Variants in GLIS1 observed in about 807,000 individuals in gnomAD.
The protein encoded by GLIS1 is GLIS family zinc finger 1, also known as zinc finger protein GLIS1.
A neutral mutation model predicts 63.8 loss-of-function variants in GLIS1; 24 were observed. The observed-to-expected ratio is 0.38, with a 90% CI of 0.27 to 0.53. The LOEUF is 0.53. GLIS1 is among the 20% of genes least tolerant of loss of function. The pLI is 0.85. For synonymous variants in GLIS1, 450 were observed against 482.5 expected, an observed-to-expected ratio of 0.93 and a Z score of 0.88; for missense variants, 1,036 against 1,074.1, an observed-to-expected ratio of 0.96 and a Z score of 0.50.
chr1:53,512,435 C>T (rs1393655002), intron 8 of GLIS1, among the ~76,000 whole-genome samples: 2 of 152,146 alleles, frequency 1.3e-5, no homozygotes, highest in Admixed American at 1.3e-4. Flanking sequence ...GAAGTCAGGC[C>T]CTCTTAGCAT....
chr1:53,581,858 C>T (rs1039689147), intron 4 of GLIS1, among the ~76,000 whole-genome samples: 5 of 152,058 alleles, frequency 3.3e-5, no homozygotes, highest in Admixed American at 6.5e-5. Context: ...TCCATGCCCT[C>T]CACCCCCTTC....
At chr1:53,679,813 T>G (rs1420646153) in intron 2 of GLIS1, among the ~76,000 whole-genome samples, 1 of 152,190 alleles carries the variant, frequency 6.6e-6, no homozygotes, top group Non-Finnish European at 1.5e-5. Context: ...CGGTGGACAA[T>G]GCTGGCCCAA....
chr1:53,649,641 T>C (rs1252287409), intron 2 of GLIS1, among the ~76,000 whole-genome samples: 1 of 152,188 alleles, frequency 6.6e-6, no homozygotes, highest in African/African-American at 2.4e-5. Context: ...ATATGTACCA[T>C]AGATTGAGGT....
Position 53,539,022 on chromosome 1 carries a change from G to C in GLIS1, c.1321-9070C>G, listed in dbSNP as rs892483529. On this transcript the variant is annotated intron_variant, in intron 4 of 10. Transcript: ENST00000628545. The surrounding 1 kb of genome is among the most constrained non-coding windows in gnomAD (Gnocchi z 5.0). ...GGGATCCAGGGGCTCTCCCAGTGCA[G>C]AGCTGTGGCTAGACATCGTCTGGAA... is the stretch of plus-strand genomic sequence containing the variant. Among the ~76,000 whole-genome samples, 4 of 152,062 alleles carry C rather than the reference G, an allele frequency of 2.6e-5. No individual in the cohort carries two copies. The highest frequency in any genetic ancestry group is 5.9e-5 in the Non-Finnish European group (4 of 68,002).
At chr1:53,705,193 A>G (rs1405997423) in intron 2 of GLIS1, among the ~76,000 whole-genome samples, 1 of 152,196 alleles carries the variant, frequency 6.6e-6, no homozygotes, top group African/African-American at 2.4e-5. Context: ...TGACTCCCAC[A>G]GCTACTATGT....
chr1:53,699,325 A>T (rs6658053), intron 2 of GLIS1, among the ~76,000 whole-genome samples: 37,823 of 151,986 alleles, frequency 0.25, 5,023 homozygotes, highest in African/African-American at 0.35. Context: ...CGGCCTCCCA[A>T]AGTGCTGAGA....
At chr1:53,538,959 G>A (rs1644610638) in intron 4 of GLIS1, among the ~76,000 whole-genome samples, 1 of 152,096 alleles carries the variant, frequency 6.6e-6, no homozygotes, top group Non-Finnish European at 1.5e-5. Flanking sequence ...GGTGCAGGAG[G>A]GGCTGAGTCA....
At chr1:53,584,498 T>C (rs1645114781) in intron 4 of GLIS1, among the ~76,000 whole-genome samples, 1 of 152,214 alleles carries the variant, frequency 6.6e-6, no homozygotes, top group Admixed American at 6.5e-5. Flanking sequence ...CCCTCCTCTG[T>C]GTCAGAGGCA....
intron 2 of GLIS1, among the ~76,000 whole-genome samples, chr1:53,612,361 T>C (rs1424324220): frequency 1.3e-5 from 2 of 152,076 alleles, no homozygotes; most frequent in African/African-American, 4.8e-5. Context: ...TGCCTCAGCC[T>C]CCTAAGTAGC....
intron 2 of GLIS1, among the ~76,000 whole-genome samples, chr1:53,616,037 C>T (rs1437065046): frequency 1.3e-5 from 2 of 152,138 alleles, no homozygotes; most frequent in African/African-American, 2.4e-5. Context: ...CAAGAGCCAC[C>T]GCACCCAGCT....
intron 8 of GLIS1, among the ~76,000 whole-genome samples, chr1:53,513,176 C>T (rs185748836): frequency 9.2e-5 from 14 of 152,264 alleles, no homozygotes; most frequent in Admixed American, 6.5e-4. Context: ...CCTCCTCTCC[C>T]TGCCCAGCTC....
rs546729970 is a variant in GLIS1 at position 53,533,709 on chromosome 1, A to G, written c.1321-3757T>C. 2.0e-5 allele frequency among the ~76,000 whole-genome samples: 3 copies of G among 152,306 alleles called. No individual in the cohort carries two copies. The South Asian group carries it at 6.2e-4, about 32-fold the overall frequency. ...TGCCCCATCAGGACCAGCATCCCAGACACGCCAGGGGCCTTGAGGGCCTAT... is the reference window on the plus strand; with the variant it reads ...TGCCCCATCAGGACCAGCATCCCAGGCACGCCAGGGGCCTTGAGGGCCTAT... On this transcript the variant is annotated intron_variant, in intron 4 of 10. Transcript: ENST00000628545.
chr1:53,542,454 G>A (rs566358401), intron 4 of GLIS1, among the ~76,000 whole-genome samples: 2 of 152,322 alleles, frequency 1.3e-5, no homozygotes, highest in East Asian at 3.9e-4. Flanking sequence ...GCGGGTGTTC[G>A]TGAACATCTG....
chr1:53,630,077 C>T (rs1233824299), intron 2 of GLIS1, among the ~76,000 whole-genome samples: 5 of 152,192 alleles, frequency 3.3e-5, no homozygotes, highest in African/African-American at 9.7e-5. Context: ...TATGCATACA[C>T]ATACATACAG....
chr1:53,591,904 T>C (rs1331179174), intron 4 of GLIS1, among the ~76,000 whole-genome samples: 2 of 152,226 alleles, frequency 1.3e-5, no homozygotes, highest in East Asian at 3.8e-4. Context: ...ACAATACTGA[T>C]AGGTGAGTGT....
chr1:53,607,656 T>C (rs1645384214), intron 2 of GLIS1, among the ~76,000 whole-genome samples: 1 of 152,266 alleles, frequency 6.6e-6, no homozygotes, highest in Non-Finnish European at 1.5e-5. Flanking sequence ...AAGGCACTGC[T>C]GACCCAGACA....
At chr1:53,542,744 C>T (rs938401468) in intron 4 of GLIS1, among the ~76,000 whole-genome samples, 3 of 152,202 alleles carry the variant, frequency 2.0e-5, no homozygotes, top group African/African-American at 7.2e-5. Context: ...GGGCTACGCC[C>T]TGGGGGTGCT....
At chr1:53,513,454 C>T (rs1226970272) in intron 8 of GLIS1, among the ~76,000 whole-genome samples, 1 of 152,194 alleles carries the variant, frequency 6.6e-6, no homozygotes, top group Non-Finnish European at 1.5e-5. Context: ...TCATGTTTCC[C>T]AGAACACCCC....
At chr1:53,679,295 C>A (rs1646249670) in intron 2 of GLIS1, among the ~76,000 whole-genome samples, 1 of 152,164 alleles carries the variant, frequency 6.6e-6, no homozygotes, top group Non-Finnish European at 1.5e-5. Flanking sequence ...TTAAAATAAA[C>A]CCCAAAACAG....
Sources: allele counts gnomAD v4.1 joint callset (sites outside exome capture counted in the v4.1 genomes callset), GRCh38; gene constraint gnomAD v4.1.1; non-coding constraint Gnocchi (gnomAD v3.1); transcripts MANE v1.5; gene names NCBI Gene and HGNC (gene_info 2026-07-23, HGNC 2026-07-21).